Variants in LPP observed in about 807,000 individuals in gnomAD.
LPP encodes LIM domain containing preferred translocation partner in lipoma.
LPP carries 38 observed loss-of-function variants against 60.4 expected under a neutral mutation model. That is an observed-to-expected ratio of 0.63 (90% CI 0.49 to 0.83). The LOEUF (loss-of-function observed/expected upper bound fraction) is 0.83. Among genes scored for constraint, LPP ranks in the 40% least tolerant of loss-of-function variants. LPP has a pLI of 0.00. For synonymous variants in LPP, 328 were observed against 290.8 expected (o/e 1.13, Z -1.30); for missense variants, 902 against 783.6 (o/e 1.15, Z -1.80).
chr3:188,528,477 A>G (rs1045958927), intron 6 of LPP, among the ~76,000 whole-genome samples: 1 of 152,086 alleles, frequency 6.6e-6, no homozygotes, highest in African/African-American at 2.4e-5. Flanking sequence ...GGTTGTGTCT[A>G]TACATGCCTC....
At chr3:188,157,951 C>T (rs1717015694) in intron 1 of LPP, among the ~76,000 whole-genome samples, 1 of 152,058 alleles carries the variant, frequency 6.6e-6, no homozygotes, top group African/African-American at 2.4e-5. Flanking sequence ...GAAAGGCCAG[C>T]CATGAAGAGG....
chr3:188,252,107 G>C (rs1729971524), intron 2 of LPP, among the ~76,000 whole-genome samples: 1 of 105,006 alleles, frequency 9.5e-6, no homozygotes, highest in Non-Finnish European at 1.9e-5. Context: ...TCAGATTATA[G>C]CGTCAGATTA....
intron 2 of LPP, among the ~76,000 whole-genome samples, chr3:188,326,440 A>G (rs774309402): frequency 6.6e-6 from 1 of 152,216 alleles, no homozygotes; most frequent in Non-Finnish European, 1.5e-5. Context: ...GTTCAATTGC[A>G]CTTTTGCCAA....
At chr3:188,751,202 A>G (rs1727963093) in intron 8 of LPP, among the ~76,000 whole-genome samples, 1 of 152,208 alleles carries the variant, frequency 6.6e-6, no homozygotes, top group Non-Finnish European at 1.5e-5. Flanking sequence ...TCAAATAACC[A>G]GAATAAATTT....
chr3:188,432,386 T>A (rs542639992), intron 4 of LPP, among the ~76,000 whole-genome samples: 14 of 152,286 alleles, frequency 9.2e-5, no homozygotes, highest in African/African-American at 3.4e-4. Context: ...TCTAAATCTT[T>A]GATAAAAGTA....
At position 188,632,108 on chromosome 3, in the gene LPP, G is replaced by T. The variant is rs114483275; in HGVS notation, c.1113+22264G>T. On this transcript the variant is annotated intron_variant, in intron 7 of 11. Transcript: ENST00000617246. Reference sequence around the variant, plus strand: ...TTATTTTACTCTGGATACTTCCTCAGAAATAGTTATTCCTTTCCTTTTTTC... The same window carrying T: ...TTATTTTACTCTGGATACTTCCTCATAAATAGTTATTCCTTTCCTTTTTTC... Among the ~76,000 whole-genome samples the T allele has an allele frequency of 4.6e-3, 700 of 152,218 alleles. 3 individuals carry two copies. The highest frequency in any genetic ancestry group is 0.016 in the African/African-American group (659 of 41,526).
intron 7 of LPP, among the ~76,000 whole-genome samples, chr3:188,621,286 A>G (rs1432998718): frequency 6.6e-6 from 1 of 152,150 alleles, no homozygotes; most frequent in African/African-American, 2.4e-5. Context: ...TAAGCATAGT[A>G]TCCAATAGGT....
At chr3:188,376,523 G>C (rs992709667) in intron 3 of LPP, among the ~76,000 whole-genome samples, 1 of 152,102 alleles carries the variant, frequency 6.6e-6, no homozygotes, top group African/African-American at 2.4e-5. Flanking sequence ...GACTAGGATT[G>C]CAACCCCTGC....
intron 6 of LPP, among the ~76,000 whole-genome samples, chr3:188,530,722 G>A (rs149320847): frequency 2.2e-4 from 33 of 152,250 alleles, no homozygotes; most frequent in African/African-American, 7.0e-4. Flanking sequence ...CTTTTATGGC[G>A]TCTTCTTTAA....
intron 8 of LPP, chr3:188,758,848 C>G (rs983612486): frequency 3.3e-5 from 5 of 152,238 alleles, no homozygotes; most frequent in Admixed American, 2.0e-4. Flanking sequence ...ATTTGTGTGA[C>G]TCAGTTTCCT....
chr3:188,354,407 T>C (rs1766885190), intron 3 of LPP, among the ~76,000 whole-genome samples: 1 of 152,164 alleles, frequency 6.6e-6, no homozygotes. Flanking sequence ...CAGAGATGCA[T>C]GTGGGCCTAT....
intron 4 of LPP, among the ~76,000 whole-genome samples, chr3:188,466,804 A>AATATATATATATATATAT (rs375483583): frequency 0.011 from 805 of 72,834 alleles, 176 homozygotes; most frequent in African/African-American, 0.015. Flanking sequence ...GTCATCTCAG[A>AATATATATATATATATAT]ACATATATAT....
chr3:188,663,408 G>A (rs903571189), intron 7 of LPP, among the ~76,000 whole-genome samples: 3 of 152,080 alleles, frequency 2.0e-5, no homozygotes, highest in Admixed American at 6.5e-5. Flanking sequence ...GTTTATTTTT[G>A]CCTTCAAAAT....
chr3:188,843,786 C>A (rs866368897), intron 9 of LPP, among the ~76,000 whole-genome samples: 6 of 75,744 alleles, frequency 7.9e-5, no homozygotes, highest in South Asian at 4.9e-4. Context: ...GACTCCGTCT[C>A]AAAAAAAAAA....
At chr3:188,313,778 C>T (rs1439462741) in intron 2 of LPP, among the ~76,000 whole-genome samples, 2 of 152,042 alleles carry the variant, frequency 1.3e-5, no homozygotes, top group African/African-American at 4.8e-5. Context: ...AATGCCTTTC[C>T]ATTTGTTGAA....
intron 6 of LPP, among the ~76,000 whole-genome samples, chr3:188,581,802 G>C (rs1836225511): frequency 6.6e-6 from 1 of 152,086 alleles, no homozygotes; most frequent in Admixed American, 6.5e-5. Flanking sequence ...TCTCATTCAG[G>C]TAACTCCTAT....
intron 6 of LPP, among the ~76,000 whole-genome samples, chr3:188,530,816 A>T (rs554163926): frequency 1.3e-5 from 2 of 152,342 alleles, no homozygotes; most frequent in South Asian, 4.1e-4. Flanking sequence ...ACGTTGTAAC[A>T]TCTTTAAGCT....
At chr3:188,340,773 G>T (rs1234143568) in intron 2 of LPP, among the ~76,000 whole-genome samples, 2 of 152,168 alleles carry the variant, frequency 1.3e-5, no homozygotes, top group Non-Finnish European at 2.9e-5. Flanking sequence ...GAGGTCATGT[G>T]AGAGTGACAT....
chr3:188,553,677 C>G (rs1414325262), intron 6 of LPP: 1 of 152,178 alleles, frequency 6.6e-6, no homozygotes, highest in Non-Finnish European at 1.5e-5. Flanking sequence ...TAGAAGAAGC[C>G]TAGTAAATTG....
Sources: allele counts gnomAD v4.1 joint callset (sites outside exome capture counted in the v4.1 genomes callset), GRCh38; gene constraint gnomAD v4.1.1; transcripts MANE v1.5; gene names NCBI Gene and HGNC (gene_info 2026-07-23, HGNC 2026-07-21).